Variants in EXOC2 observed in about 807,000 individuals in gnomAD.
EXOC2 encodes SEC5-like 1.
In EXOC2, 70 loss-of-function variants were observed where a neutral mutation model predicts 131.8. That is an observed-to-expected ratio of 0.53 (90% CI 0.44 to 0.65). The LOEUF (loss-of-function observed/expected upper bound fraction) is 0.65, where lower values mean the gene tolerates loss of function less well. Ranked by LOEUF, EXOC2 falls within the 30% of genes least tolerant of loss-of-function variation. EXOC2 has a pLI of 0.00. For missense variants in EXOC2, 923 were observed against 1,108.6 expected (o/e 0.83, Z 2.38); for synonymous variants, 411 against 398.4 (o/e 1.03, Z -0.38).
chr6:596,091 G>A (rs1458879802), intron 10 of EXOC2, among the ~76,000 whole-genome samples: 1 of 151,990 alleles, frequency 6.6e-6, no homozygotes, highest in Non-Finnish European at 1.5e-5. Context: ...TTTCATGGTG[G>A]TGATCAGGAT....
chr6:690,513 T>C (rs567786789), intron 1 of EXOC2, among the ~76,000 whole-genome samples: 22 of 152,042 alleles, frequency 1.4e-4, no homozygotes, highest in African/African-American at 5.3e-4. Flanking sequence ...GTCACGAGGA[T>C]CGCGACGGTG....
chr6:619,071 T>C (rs1289614094), intron 5 of EXOC2, among the ~76,000 whole-genome samples: 3 of 152,200 alleles, frequency 2.0e-5, no homozygotes, highest in Non-Finnish European at 1.5e-5. Context: ...GTGTTCCATG[T>C]TTTACCCCAG....
chr6:592,069 T>C (rs917805558), intron 11 of EXOC2, among the ~76,000 whole-genome samples: 3 of 152,318 alleles, frequency 2.0e-5, no homozygotes, highest in East Asian at 1.9e-4. Flanking sequence ...ACATGTTTAG[T>C]GGCTTTTCCT....
intron 23 of EXOC2, among the ~76,000 whole-genome samples, chr6:512,107 G>A (rs1177486907): frequency 1.3e-5 from 2 of 152,246 alleles, no homozygotes; most frequent in Non-Finnish European, 2.9e-5. Flanking sequence ...TTAAGCCACT[G>A]CCCTTTTGTC....
chr6:663,287 A>G (rs1435038600), intron 1 of EXOC2, among the ~76,000 whole-genome samples: 1 of 152,194 alleles, frequency 6.6e-6, no homozygotes, highest in East Asian at 1.9e-4. Flanking sequence ...AAGCAGCAAG[A>G]TTGAAATGGT....
intron 4 of EXOC2, among the ~76,000 whole-genome samples, chr6:620,097 C>G (rs1185157966): frequency 6.6e-6 from 1 of 152,228 alleles, no homozygotes; most frequent in Non-Finnish European, 1.5e-5. Context: ...GTGATAACAA[C>G]AGGGTATATA....
intron 3 of EXOC2, 31 bp from the exon 4 acceptor site, chr6:629,992 G>A (rs199621472): frequency 6.2e-7 from 1 of 1,611,082 alleles, no homozygotes; most frequent in Non-Finnish European, 8.5e-7. Flanking sequence ...TGCTTAATAA[G>A]ATGAAGCCTA....
chr6:556,406 C>G, intron 18 of EXOC2, 78 bp downstream of exon 18: 3 of 1,415,314 alleles, frequency 2.1e-6, no homozygotes, highest in Non-Finnish European at 3.0e-6. Context: ...TCTTGCAGTA[C>G]GATGAGTCAA....
chr6:537,891 A>G (rs1766561167), intron 22 of EXOC2, among the ~76,000 whole-genome samples: 1 of 152,230 alleles, frequency 6.6e-6, no homozygotes, highest in Admixed American at 6.5e-5. Context: ...GATTCTCTGC[A>G]GATAGCAGCT....
At chr6:524,553 T>C (rs1301713975) in intron 23 of EXOC2, among the ~76,000 whole-genome samples, 2 of 152,178 alleles carry the variant, frequency 1.3e-5, no homozygotes, top group Non-Finnish European at 2.9e-5. Flanking sequence ...TGTAATGTTC[T>C]TGTCACATTT....
chr6:610,733 A>G (rs1471994649), intron 6 of EXOC2, among the ~76,000 whole-genome samples: 1 of 152,378 alleles, frequency 6.6e-6, no homozygotes, highest in East Asian at 1.9e-4. Context: ...CAAATGCACT[A>G]TGAATACACA....
intron 1 of EXOC2, among the ~76,000 whole-genome samples, chr6:673,252 C>CAAAAAAAAAAAAAAAAAAAA (rs56189394): frequency 6.7e-4 from 43 of 64,262 alleles, no homozygotes; most frequent in Non-Finnish European, 7.8e-4. Context: ...ACTCCATAGC[C>CAAAAAAAAAAAAAAAAAAAA]AAAAAAAAAA....
chr6:538,484 T>C (rs1004405681), intron 22 of EXOC2, among the ~76,000 whole-genome samples: 1 of 152,174 alleles, frequency 6.6e-6, no homozygotes, highest in African/African-American at 2.4e-5. Flanking sequence ...TATAAAGTGA[T>C]GTGTTTAAGG....
Position 598,882 on chromosome 6 carries a change from C to G in EXOC2, c.948G>C (p.Thr316=). The G allele has an allele frequency of 6.2e-7, 1 of 1,611,396 alleles. No homozygotes were observed. The highest frequency in any genetic ancestry group is 8.5e-7 in the Non-Finnish European group (1 of 1,179,206). ...YEKAKSLFGK[T]EVQVFKKYYA... ...TACATTTCTTGAAAACTTGCACCTC[C>G]GTTTTCCCAAAAAGTGACTTGGCCT... Residue 316 remains threonine, a synonymous_variant, in exon 9 of 28, where the codon ACG becomes ACC. Transcript: ENST00000230449.
intron 1 of EXOC2, among the ~76,000 whole-genome samples, chr6:677,998 C>T (rs1329978838): frequency 6.6e-6 from 1 of 151,756 alleles, no homozygotes; most frequent in African/African-American, 2.4e-5. Context: ...TGAAAAGGGT[C>T]CCCCAAAAGA....
At chr6:494,092 A>G (rs1234325086) in intron 25 of EXOC2, among the ~76,000 whole-genome samples, 2 of 152,212 alleles carry the variant, frequency 1.3e-5, no homozygotes, top group African/African-American at 4.8e-5. Context: ...TGGAACTATT[A>G]TAATAACCAT....
chr6:597,397 A>G (rs970988980), intron 10 of EXOC2, among the ~76,000 whole-genome samples: 3 of 151,992 alleles, frequency 2.0e-5, no homozygotes, highest in African/African-American at 4.8e-5. Context: ...GGCTGGTCTC[A>G]AACTCCTGAC....
chr6:607,410 G>T (rs1760478372), intron 7 of EXOC2, among the ~76,000 whole-genome samples: 1 of 152,144 alleles, frequency 6.6e-6, no homozygotes, highest in African/African-American at 2.4e-5. Context: ...AAGTGTTGTT[G>T]TGAGGACTAA....
At chr6:492,716 C>T (rs1581286446) in intron 25 of EXOC2, among the ~76,000 whole-genome samples, 1 of 152,010 alleles carries the variant, frequency 6.6e-6, no homozygotes, top group African/African-American at 2.4e-5. Context: ...AGATAGAAAG[C>T]CAATTGGTAG....
Sources: allele counts gnomAD v4.1 joint callset (sites outside exome capture counted in the v4.1 genomes callset), GRCh38; gene constraint gnomAD v4.1.1; transcripts MANE v1.5; gene names NCBI Gene and HGNC (gene_info 2026-07-23, HGNC 2026-07-21).